The following SERINC4 variants were observed in gnomAD, a reference collection of about 807,000 sequenced individuals.
The protein encoded by SERINC4 is serine incorporator 4.
In SERINC4, 52 loss-of-function variants were observed where a neutral mutation model predicts 52.0. The observed-to-expected ratio is 1.00, with a 90% confidence interval of 0.80 to 1.26. SERINC4 has a LOEUF of 1.26. Among genes scored for constraint, SERINC4 ranks in the 50% most tolerant of loss-of-function variants. The probability of loss-of-function intolerance (pLI) is 0.00; values close to 1 mark genes in which losing one functional copy is unlikely to be tolerated. For synonymous variants in SERINC4, 264 were observed against 247.7 expected, an observed-to-expected ratio of 1.07 and a Z score of -0.62; for missense variants, 723 against 632.8, an observed-to-expected ratio of 1.14 and a Z score of -1.53.
rs2087161330 is a variant in SERINC4 at position 43,794,724 on chromosome 15, C to G, written c.*276G>C. 2.6e-6 allele frequency: 1 copy of G among 377,564 alleles called. No homozygotes were observed. Among genetic ancestry groups the G allele is most frequent in the Non-Finnish European group, 4.8e-6 (1 of 206,360 alleles). 23.4% of individuals were successfully genotyped at this position (377,564 alleles called of 1,614,324 possible). On this transcript the variant is annotated 3_prime_UTR_variant, in exon 12 of 12. Coordinates refer to ENST00000319327, the MANE Select transcript of SERINC4 (RefSeq NM_001258031.2). ...GAGCCAGGAAAGGGCTGGTGCCACA[C>G]TGTCTGCTGGGATCAGCGGTGGTTC... is the stretch of plus-strand genomic sequence containing the variant.
Position 43,799,754 on chromosome 15 carries a change from G to C in SERINC4, c.102+131C>G, listed in dbSNP as rs1014750590. The stretch of plus-strand genomic sequence containing the variant: ...ACCTGGGGCTGGAAACATGGCGGGA[G>C]AGATTTACAGATTATACCTGGGGCA... On this transcript the variant is annotated intron_variant, in intron 1 of 11. Coordinates refer to ENST00000319327, the MANE Select transcript of SERINC4 (RefSeq NM_001258031.2). The C allele has an allele frequency of 3.5e-6, 3 of 849,392 alleles. No individual in the cohort carries two copies. In the African/African-American group the frequency reaches 5.0e-5, roughly 14 times the overall value. The allele number at this position is 849,392 out of a possible 1,614,324, so 52.6% of individuals were successfully genotyped here. A position where few individuals can be genotyped will look rare whatever the true frequency, so the allele number is the denominator to read the frequency against.
Position 43,796,688 on chromosome 15 carries a change from TC to T in SERINC4, c.994del (p.Glu332AsnfsTer9). 6.2e-7 allele frequency: 1 copy of T among 1,614,164 alleles called. No individual in the cohort carries two copies. Among genetic ancestry groups the T allele is most frequent in the Non-Finnish European group, 8.5e-7 (1 of 1,180,012 alleles). On this transcript the variant is annotated frameshift_variant, in exon 8 of 12. Coordinates refer to ENST00000319327, the MANE Select transcript of SERINC4 (RefSeq NM_001258031.2). LOFTEE classifies it high-confidence loss of function. ...TAGAGAGATATCTGGTGTTTGGGGT[TC>T]CATTTTACTCAGGCCAGGCAGGCAC... ...TLCLPGLSKM[E>X]PQTPDISLAM...
chr15:43,795,331 T>C (rs2087183407), intron 11 of SERINC4, 57 bp downstream of exon 11: 2 of 1,606,982 alleles, frequency 1.2e-6, no homozygotes, highest in Non-Finnish European at 1.7e-6. Flanking sequence ...CTTGAATTGC[T>C]CTTTCCTTAA....
Position 43,798,992 on chromosome 15 carries a change from G to A in SERINC4, c.425C>T (p.Ser142Phe), listed in dbSNP as rs867541827. The change falls in exon 3 of 12, where the codon TCC becomes TTC. Residue 142 changes from serine (S) to phenylalanine (F), a missense_variant. Transcript: ENST00000319327. Reference protein sequence around the residue: ...LQAVLLVHLHSPTSPRAQLHN... With the variant: ...LQAVLLVHLHFPTSPRAQLHN... ...CAGCTGTGCCCGCGGGCTGGTGGGG[G>A]AGTGGAGGTGGACCAGCAACACAGC... 12 of 1,550,572 alleles carry A rather than the reference G, an allele frequency of 7.7e-6. No individual in the cohort carries two copies. The Middle Eastern group carries it at 2.0e-3, about 259-fold the overall frequency.
At chr15:43,795,266 CCTGTT>C in intron 11 of SERINC4, 53 bp from the exon 12 acceptor site, 1 of 1,595,346 alleles carries the variant, frequency 6.3e-7, no homozygotes, top group Non-Finnish European at 8.6e-7. Context: ...AGCTTTTAGA[CCTGTT>C]CTACCTCCTC....
At chr15:43,795,616 A>C in intron 10 of SERINC4, 72 bp downstream of exon 10, 7 of 1,611,174 alleles carry the variant, frequency 4.3e-6, no homozygotes, top group African/African-American at 1.3e-5. Flanking sequence ...TACCTTTGTT[A>C]AGGCTCTTGA....
rs539085442 is a variant in SERINC4 at position 43,796,333 on chromosome 15, T to G, written c.1068-106A>C. On this transcript the variant is annotated intron_variant, in intron 8 of 11. Transcript: ENST00000319327. ...GGTAATCCTCAAAAGGGTACCATAC[T>G]CCCTGTGCCCTTTTCCACCAAAGAT... 2.4e-3 allele frequency: 2,085 copies of G among 858,330 alleles called. 51 individuals are homozygous for G. In the South Asian group the frequency reaches 0.031, roughly 13 times the overall value. The allele number at this position is 858,330 out of a possible 1,614,324, so 53.2% of individuals were successfully genotyped here.
chr15:43,796,066 G>C, intron 9 of SERINC4, 89 bp downstream of exon 9: 1 of 955,874 alleles, frequency 1.0e-6, no homozygotes, highest in South Asian at 1.3e-5. Flanking sequence ...GCTATAATCT[G>C]AGCATTCTGG....
chr15:43,795,428 C>G lies in SERINC4; in HGVS notation c.1303G>C (p.Ala435Pro). The G allele has an allele frequency of 6.2e-7, 1 of 1,614,144 alleles. No homozygotes were observed. The highest frequency in any genetic ancestry group is 8.5e-7 in the Non-Finnish European group (1 of 1,180,026). ...AGGGTAACCATGACATAGAGTGAGG[C>G]AAGGAAGAAGACGAAGTGGAAGGCA... is the stretch of plus-strand genomic sequence containing the variant. ...YSAFHFVFFL[A>P]SLYVMVTLTN... Residue 435 changes from alanine (A) to proline (P), a missense_variant, in exon 11 of 12, where the codon GCC becomes CCC. By Grantham distance (27) the Ala-to-Pro change is conservative. Coordinates refer to ENST00000319327, the MANE Select transcript of SERINC4 (RefSeq NM_001258031.2).
At chr15:43,798,302 G>C (rs1337487617) in intron 4 of SERINC4, 123 bp downstream of exon 4, 24 of 794,628 alleles carry the variant, frequency 3.0e-5, no homozygotes, top group Non-Finnish European at 5.1e-5. Context: ...GCCCGCCTCA[G>C]CCTCCCAAAG....
chr15:43,799,594 C>T (rs1380711076), intron 1 of SERINC4, 108 bp from the exon 2 acceptor site: 9 of 1,315,084 alleles, frequency 6.8e-6, no homozygotes, highest in Admixed American at 5.9e-5. Flanking sequence ...AAAATTTCCC[C>T]TTCCCCTTTC....
chr15:43,794,995 A>G lies in SERINC4; in HGVS notation c.*5T>C. ...GTCAGGGGAACCCCAGTTTGTGAAA[A>G]GGACTTAGACTGGAGGATATTTGTT... On this transcript the variant is annotated 3_prime_UTR_variant, in exon 12 of 12. Coordinates refer to ENST00000319327, the MANE Select transcript of SERINC4 (RefSeq NM_001258031.2). 1 of 1,600,648 alleles carries G rather than the reference A, an allele frequency of 6.2e-7. No individual in the cohort carries two copies. Among genetic ancestry groups the G allele is most frequent in the Non-Finnish European group, 8.5e-7 (1 of 1,173,410 alleles).
Position 43,799,364 on chromosome 15 carries a change from G to A in SERINC4, c.225C>T (p.Cys75=). The change falls in exon 2 of 12, where the codon TGC becomes TGT. Residue 75 remains cysteine, a synonymous_variant. Transcript: ENST00000319327. ...ILLHVGASAI[C]CLLLSRTVVE... is the part of the protein sequence containing the mutation. Reference sequence around the variant, plus strand: ...CTACTGTCCTTGACAGCAGGAGGCAGCAGATTGCTGAGGCCCCCACATGGA... The same window carrying A: ...CTACTGTCCTTGACAGCAGGAGGCAACAGATTGCTGAGGCCCCCACATGGA... 1 of 1,551,160 alleles carries A rather than the reference G, an allele frequency of 6.4e-7. No homozygotes were observed. Among genetic ancestry groups the A allele is most frequent in the Non-Finnish European group, 8.7e-7 (1 of 1,147,120 alleles).
chr15:43,798,953 A>G lies in SERINC4; in HGVS notation c.458+6T>C. 6.4e-7 allele frequency: 1 copy of G among 1,550,508 alleles called. No individual in the cohort carries two copies. The highest frequency in any genetic ancestry group is 2.4e-5 in the East Asian group (1 of 40,924). On this transcript the variant is annotated splice_donor_region_variant and intron_variant, in intron 3 of 11. Transcript: ENST00000319327. ...TCCCCTCCCCACCCAGAAAGTACAC[A>G]CAAACCTATTATGCAGCTGTGCCCG...
intron 6 of SERINC4, 43 bp downstream of exon 6, chr15:43,797,102 T>C: frequency 6.5e-7 from 1 of 1,527,998 alleles, no homozygotes. Flanking sequence ...TGCTATGCTT[T>C]TAAGGCCCCC....
chr15:43,795,573 GCTGCTGA>G, intron 10 of SERINC4, 32 bp from the exon 11 acceptor site: 3 of 1,613,782 alleles, frequency 1.9e-6, no homozygotes, highest in Non-Finnish European at 2.5e-6. Context: ...TGGGAGCAGA[GCTGCTGA>G]AACACCTCTT....
Position 43,799,979 on chromosome 15 carries a change from C to A in SERINC4, c.8G>T (p.Gly3Val). Residue 3 changes from glycine to valine, a missense_variant, in exon 1 of 12, where the codon GGT becomes GTT. Gly to Val is a moderately radical substitution (Grantham distance 109, BLOSUM62 -3). Coordinates refer to ENST00000319327, the MANE Select transcript of SERINC4 (RefSeq NM_001258031.2). Reference sequence around the variant, plus strand: ...GCCGGGGCTGGGGCCGGCCTTGGCACCCACCATCCTTGTCCCAGGGATTAG... The same window carrying A: ...GCCGGGGCTGGGGCCGGCCTTGGCAACCACCATCCTTGTCCCAGGGATTAG... The part of the protein sequence containing the change: MV[G>V]AKAGPSPGTS... 1 of 1,537,326 alleles carries A rather than the reference C, an allele frequency of 6.5e-7. No homozygotes were observed. Among genetic ancestry groups the A allele is most frequent in the Non-Finnish European group, 8.8e-7 (1 of 1,142,294 alleles).
In SERINC4 at chr15:43,795,161, A is replaced by G; in HGVS notation, c.1396T>C (p.Phe466Leu). 1 of 1,614,168 alleles carries G rather than the reference A, an allele frequency of 6.2e-7. No individual in the cohort carries two copies. The highest frequency in any genetic ancestry group is 1.3e-5 in the African/African-American group (1 of 75,026). The change falls in exon 12 of 12, where the codon TTC (phenylalanine) becomes CTC (leucine). Residue 466 changes from phenylalanine to leucine, a missense_variant. Transcript: ENST00000319327. ...KTFIKGSWAT[F>L]WVKVASCWAC... ...CAGCATGAGGCAACCTTGACCCAGAAGGTGGCCCAGCTACCCTTGATGAAG... is the reference window on the plus strand; with the variant it reads ...CAGCATGAGGCAACCTTGACCCAGAGGGTGGCCCAGCTACCCTTGATGAAG...
Position 43,796,176 on chromosome 15 carries a change from C to G in SERINC4, c.1119G>C (p.Lys373Asn), listed in dbSNP as rs144625649. The G allele has an allele frequency of 1.9e-4, 301 of 1,613,756 alleles. No individual in the cohort carries two copies. In the African/African-American group the frequency reaches 3.7e-3, roughly 20 times the overall value. The change falls in exon 9 of 12, where the codon AAG (lysine) becomes AAC (asparagine). Residue 373 changes from lysine to asparagine, a missense_variant. Physicochemically the swap from Lys to Asn is moderately conservative, Grantham distance 94. Transcript: ENST00000319327. ...TCACCTGAAACTCATAGCTGTAAAC[C>G]TTGACAATCCACAGGGGTCCAAATA... ...AEVFGPLWIV[K>N]VYSYEFQKPS...
Sources: allele counts gnomAD v4.1 joint callset, GRCh38; gene constraint gnomAD v4.1.1; transcripts MANE v1.5; gene names NCBI Gene and HGNC (gene_info 2026-07-23, HGNC 2026-07-21).